Variants in PCDH9 observed in about 807,000 individuals in gnomAD.
The protein encoded by PCDH9 is protocadherin 9, also known as protocadherin-9.
A neutral mutation model predicts 70.6 loss-of-function variants in PCDH9; 24 were observed. That is an observed-to-expected ratio of 0.34 (90% CI 0.25 to 0.48). The LOEUF (loss-of-function observed/expected upper bound fraction) is 0.48. Ranked by LOEUF, PCDH9 falls within the 20% of genes least tolerant of loss-of-function variation. The pLI is 0.99. For missense variants in PCDH9, 1,281 were observed against 1,503.6 expected (o/e 0.85, Z 2.45); for synonymous variants, 562 against 558.5 (o/e 1.01, Z -0.09).
chr13:66,903,189 G>C (rs929720663), intron 3 of PCDH9, among the ~76,000 whole-genome samples: 56 of 151,618 alleles, frequency 3.7e-4, no homozygotes, highest in Non-Finnish European at 1.6e-4. Context: ...AATCAATCCA[G>C]AACATCTAGC....
chr13:67,178,080 G>A (rs2088512849), intron 2 of PCDH9, among the ~76,000 whole-genome samples: 1 of 151,986 alleles, frequency 6.6e-6, no homozygotes, highest in Non-Finnish European at 1.5e-5. Context: ...AAATGCTATT[G>A]ACTTTAAGTA....
At chr13:66,412,991 A>G (rs556015749) in intron 4 of PCDH9, among the ~76,000 whole-genome samples, 45 of 152,196 alleles carry the variant, frequency 3.0e-4, no homozygotes, top group Non-Finnish European at 4.4e-4. Context: ...GTCTGTAGAG[A>G]TTTTGATTAA....
chr13:66,508,124 T>C (rs1959274436), intron 4 of PCDH9, among the ~76,000 whole-genome samples: 2 of 152,230 alleles, frequency 1.3e-5, no homozygotes, highest in Non-Finnish European at 2.9e-5. Context: ...TAGAGAGCAT[T>C]TAAAACAGTT....
chr13:66,675,605 C>A (rs2078232221), intron 3 of PCDH9, among the ~76,000 whole-genome samples: 1 of 152,074 alleles, frequency 6.6e-6, no homozygotes, highest in African/African-American at 2.4e-5. Flanking sequence ...TCAAAGGAAC[C>A]AGTGGCTTAA....
At chr13:66,942,479 A>G (rs985188070) in intron 2 of PCDH9, among the ~76,000 whole-genome samples, 5 of 152,002 alleles carry the variant, frequency 3.3e-5, no homozygotes, top group African/African-American at 9.6e-5. Flanking sequence ...CCAATAACAA[A>G]TAAGTGACAT....
chr13:66,304,869 C>A lies in PCDH9; in HGVS notation c.3500G>T (p.Trp1167Leu). Residue 1167 changes from tryptophan to leucine, a missense_variant, in exon 5 of 5, where the codon TGG becomes TTG. This residue lies in a region of PCDH9 where 264 missense variants were observed against 278.8 expected (regional missense o/e 0.95). Coordinates refer to ENST00000377865, the MANE Select transcript of PCDH9 (RefSeq NM_203487.3). ...ATTCACAAGCTTGTCCTTCTTCACC[C>A]ATTCTTTCTGGGGTGCAAAGGTTGA... ...PLSTFAPQKE[W>L]VKKDKLVNGH... 6.2e-7 allele frequency: 1 copy of A among 1,613,560 alleles called. No individual in the cohort carries two copies.
intron 3 of PCDH9, among the ~76,000 whole-genome samples, chr13:66,675,717 T>C (rs6562469): frequency 0.39 from 59,926 of 151,904 alleles, 11,953 homozygotes; most frequent in African/African-American, 0.45. Flanking sequence ...GAATCACTAA[T>C]AGGCACTTAG....
intron 4 of PCDH9, among the ~76,000 whole-genome samples, chr13:66,476,574 G>A (rs761211545): frequency 6.6e-6 from 1 of 151,892 alleles, no homozygotes; most frequent in East Asian, 1.9e-4. Context: ...CTCAATAGTG[G>A]AGATGAGTTA....
chr13:66,394,676 CTT>C (rs1331761795), intron 4 of PCDH9, among the ~76,000 whole-genome samples: 3 of 152,142 alleles, frequency 2.0e-5, no homozygotes, highest in Non-Finnish European at 2.9e-5. Context: ...CAACTGCCCT[CTT>C]TCTAATTTGG....
chr13:67,154,654 T>C (rs1467206980), intron 2 of PCDH9, among the ~76,000 whole-genome samples: 2 of 139,180 alleles, frequency 1.4e-5, no homozygotes, highest in South Asian at 4.5e-4. Flanking sequence ...ACATACAAGA[T>C]ACTCTCTTTT....
intron 3 of PCDH9, among the ~76,000 whole-genome samples, chr13:66,810,580 A>C (rs1386779028): frequency 1.3e-5 from 2 of 152,036 alleles, no homozygotes; most frequent in African/African-American, 4.8e-5. Flanking sequence ...TACTTTATAT[A>C]TACAACAGTG....
At chr13:66,605,138 A>C (rs1435258739) in intron 4 of PCDH9, among the ~76,000 whole-genome samples, 1 of 152,078 alleles carries the variant, frequency 6.6e-6, no homozygotes, top group Non-Finnish European at 1.5e-5. Context: ...AAAACTTACC[A>C]CAACTGGTGT....
At chr13:66,694,315 A>G (rs2078528465) in intron 3 of PCDH9, among the ~76,000 whole-genome samples, 1 of 152,206 alleles carries the variant, frequency 6.6e-6, no homozygotes, top group Admixed American at 6.5e-5. Flanking sequence ...AACATAGACT[A>G]AAATATCAGA....
At chr13:66,631,124 T>G in intron 4 of PCDH9, 86 bp downstream of exon 4, 1 of 727,196 alleles carries the variant, frequency 1.4e-6, no homozygotes, top group East Asian at 2.5e-5. Context: ...ATGTTCATCC[T>G]TGCCCCCTAC....
At chr13:66,998,308 A>AG (rs1327496250) in intron 2 of PCDH9, among the ~76,000 whole-genome samples, 1 of 152,142 alleles carries the variant, frequency 6.6e-6, no homozygotes, top group African/African-American at 2.4e-5. Flanking sequence ...ATTAATAGCA[A>AG]TGTGTCAACC....
At chr13:67,126,085 G>A (rs1359643634) in intron 2 of PCDH9, among the ~76,000 whole-genome samples, 2 of 152,126 alleles carry the variant, frequency 1.3e-5, no homozygotes, top group East Asian at 3.9e-4. Context: ...AAATAAACAA[G>A]TAACATCATA....
intron 4 of PCDH9, among the ~76,000 whole-genome samples, chr13:66,562,845 A>C (rs2076594983): frequency 6.6e-6 from 1 of 152,176 alleles, no homozygotes; most frequent in African/African-American, 2.4e-5. Context: ...GAGAAAGGAT[A>C]AAACGAAACT....
rs879340547 is a variant in PCDH9 at position 66,811,813 on chromosome 13, C to CCTTTCTTCCTTTCTTT, written c.3138+91675_3138+91690dup. 7.5e-3 allele frequency among the ~76,000 whole-genome samples: 1,121 copies of CCTTTCTTCCTTTCTTT among 149,718 alleles called. 6 individuals are homozygous for CCTTTCTTCCTTTCTTT. The highest frequency in any genetic ancestry group is 0.012 in the Non-Finnish European group (778 of 67,316). On this transcript the variant is annotated intron_variant, in intron 3 of 4. Transcript: ENST00000377865. ...CTCTTTCTCTCCTTCTTTCCTTCTT[C>CCTTTCTTCCTTTCTTT]CTTTCTTCCTTTCTTTCTTTTCCTT...
At chr13:67,145,225 A>G (rs1037544357) in intron 2 of PCDH9, among the ~76,000 whole-genome samples, 1 of 152,102 alleles carries the variant, frequency 6.6e-6, no homozygotes, top group Non-Finnish European at 1.5e-5. Flanking sequence ...CTGTCTTTGT[A>G]TGACTGTCTA....
Sources: allele counts gnomAD v4.1 joint callset (sites outside exome capture counted in the v4.1 genomes callset), GRCh38; gene constraint gnomAD v4.1.1; regional missense constraint gnomAD v4.1.1; transcripts MANE v1.5; gene names NCBI Gene and HGNC (gene_info 2026-07-23, HGNC 2026-07-21).